Variants in DEPDC1B observed in about 807,000 individuals in gnomAD.
The protein encoded by DEPDC1B is DEP domain containing 1B, also known as DEP domain-containing protein 1B.
In DEPDC1B, 51 loss-of-function variants were observed where a neutral mutation model predicts 66.5. The ratio of observed to expected loss-of-function variants is 0.77; its 90% CI spans 0.61 to 0.97. The LOEUF is 0.97. DEPDC1B is among the 50% of genes least tolerant of loss of function. The pLI, the probability that DEPDC1B is intolerant of heterozygous loss-of-function variation, is 0.00. For missense variants in DEPDC1B, 552 were observed against 637.1 expected (o/e 0.87, Z 1.44); for synonymous variants, 226 against 223.6 (o/e 1.01, Z -0.10).
chr5:60,699,092 C>T lies in DEPDC1B; in HGVS notation c.48+954G>A, dbSNP rs74954198. On this transcript the variant is annotated intron_variant, in intron 1 of 10. Transcript: ENST00000265036. ...GCCTTCTCAGCTCTGGCTTGACTTACTGGTATAGTGTGTGGCTGGCTTTGG... is the reference window on the plus strand; with the variant it reads ...GCCTTCTCAGCTCTGGCTTGACTTATTGGTATAGTGTGTGGCTGGCTTTGG... 0.013 allele frequency among the ~76,000 whole-genome samples: 1,977 copies of T among 152,262 alleles called. 88 individuals are homozygous for T. The East Asian group carries it at 0.17, about 13-fold the overall frequency.
intron 7 of DEPDC1B, among the ~76,000 whole-genome samples, chr5:60,615,040 T>G (rs1397446473): frequency 6.6e-6 from 1 of 152,206 alleles, no homozygotes; most frequent in Non-Finnish European, 1.5e-5. Context: ...ATGAGCAAAG[T>G]TATGAAGAAC....
At chr5:60,663,091 A>G (rs896376946) in intron 2 of DEPDC1B, among the ~76,000 whole-genome samples, 1 of 152,210 alleles carries the variant, frequency 6.6e-6, no homozygotes, top group African/African-American at 2.4e-5. Context: ...TAGCAAAAGC[A>G]GGGGCCATTA....
chr5:60,608,291 T>A (rs1433455160), intron 7 of DEPDC1B, among the ~76,000 whole-genome samples: 7 of 152,102 alleles, frequency 4.6e-5, no homozygotes, highest in Non-Finnish European at 1.0e-4. Context: ...TTTCACCTTA[T>A]CCTTACTGCA....
chr5:60,698,822 T>C (rs934652455), intron 1 of DEPDC1B, among the ~76,000 whole-genome samples: 3 of 152,116 alleles, frequency 2.0e-5, no homozygotes, highest in African/African-American at 7.2e-5. Flanking sequence ...CATGCCACCA[T>C]GCCCAGCTAA....
At chr5:60,653,190 A>T (rs1349427601) in intron 2 of DEPDC1B, among the ~76,000 whole-genome samples, 1 of 149,166 alleles carries the variant, frequency 6.7e-6, no homozygotes, top group Non-Finnish European at 1.5e-5. Context: ...CTCCATCCAC[A>T]CTGTTTTCCA....
In DEPDC1B at chr5:60,666,449, C is replaced by T. The variant is rs568278834; in HGVS notation, c.315-18916G>A. On this transcript the variant is annotated intron_variant, in intron 2 of 10. Coordinates refer to ENST00000265036, the MANE Select transcript of DEPDC1B (RefSeq NM_018369.3). ...TCTTGGGAGCTCTAAGAACAAAGAC[C>T]CCCCCCATAACACCTCGATGTGGTA... Among the ~76,000 whole-genome samples the T allele has an allele frequency of 5.3e-5, 8 of 152,074 alleles. No homozygotes were observed. The South Asian group carries it at 1.0e-3, about 20-fold the overall frequency.
At chr5:60,673,794 A>C (rs1167521535) in intron 2 of DEPDC1B, among the ~76,000 whole-genome samples, 2 of 152,250 alleles carry the variant, frequency 1.3e-5, no homozygotes, top group African/African-American at 4.8e-5. Flanking sequence ...TAGGTCAATA[A>C]TATCTGAGAA....
chr5:60,699,982 C>A lies in DEPDC1B; in HGVS notation c.48+64G>T, dbSNP rs927712416. 3.3e-6 allele frequency: 5 copies of A among 1,535,470 alleles called. No homozygotes were observed. In the African/African-American group the frequency reaches 5.5e-5, roughly 17 times the overall value. On this transcript the variant is annotated intron_variant, in intron 1 of 10. Transcript: ENST00000265036. ...AAGCGAAGACTGACAAGCACTCTGTCCGCGCGCTGAGTGGGGGCTCGCGGC... is the reference window on the plus strand; with the variant it reads ...AAGCGAAGACTGACAAGCACTCTGTACGCGCGCTGAGTGGGGGCTCGCGGC...
chr5:60,668,797 T>C (rs960680750), intron 2 of DEPDC1B, among the ~76,000 whole-genome samples: 3 of 152,174 alleles, frequency 2.0e-5, no homozygotes, highest in African/African-American at 7.2e-5. Flanking sequence ...CATCAAATAT[T>C]TTCTGCTACT....
intron 3 of DEPDC1B, among the ~76,000 whole-genome samples, chr5:60,647,164 T>C (rs1584061744): frequency 6.9e-6 from 1 of 145,346 alleles, no homozygotes; most frequent in African/African-American, 2.6e-5. Context: ...GCCAAAAAGG[T>C]TGGGGACTGC....
chr5:60,631,899 C>G (rs1397800156), intron 7 of DEPDC1B, among the ~76,000 whole-genome samples: 1 of 152,160 alleles, frequency 6.6e-6, no homozygotes, highest in African/African-American at 2.4e-5. Context: ...GTGGGGCACA[C>G]TATCTGAACT....
chr5:60,644,882 G>A lies in DEPDC1B; in HGVS notation c.579-7C>T. 1.3e-6 allele frequency: 2 copies of A among 1,585,300 alleles called. No individual in the cohort carries two copies. Among genetic ancestry groups the A allele is most frequent in the Non-Finnish European group, 1.7e-6 (2 of 1,164,014 alleles). ...GCCAAGAATTTTCTGTAAGCTAAAA[G>A]ATAAGTAATTATATTAATTAGTTCT... On this transcript the variant is annotated splice_region_variant and splice_polypyrimidine_tract_variant and intron_variant, in intron 4 of 10. Transcript: ENST00000265036.
chr5:60,693,734 T>C (rs1754594713), intron 1 of DEPDC1B, among the ~76,000 whole-genome samples: 1 of 152,136 alleles, frequency 6.6e-6, no homozygotes, highest in African/African-American at 2.4e-5. Flanking sequence ...GATATTACCA[T>C]ACCTTTAAAC....
At chr5:60,621,373 G>A (rs1342645144) in intron 7 of DEPDC1B, among the ~76,000 whole-genome samples, 2 of 151,450 alleles carry the variant, frequency 1.3e-5, no homozygotes, top group African/African-American at 4.8e-5. Flanking sequence ...CATAAAAAAG[G>A]ATGAGTTCAT....
At chr5:60,616,305 G>A (rs1384234352) in intron 7 of DEPDC1B, among the ~76,000 whole-genome samples, 4 of 152,174 alleles carry the variant, frequency 2.6e-5, no homozygotes, top group Admixed American at 1.3e-4. Context: ...TGACTTTGAC[G>A]AGTTGAGAGC....
chr5:60,667,797 T>A lies in DEPDC1B; in HGVS notation c.314+19165A>T, dbSNP rs987032528. Among the ~76,000 whole-genome samples the A allele has an allele frequency of 1.5e-3, 192 of 132,374 alleles. 22 individuals carry two copies. Among genetic ancestry groups the A allele is most frequent in the African/African-American group, 5.7e-3 (189 of 33,020 alleles). The allele number at this position is 132,374 out of a possible 152,430, so 86.8% of individuals were successfully genotyped here. ...TTTACATATATATAAAAAATGGATA[T>A]TTTACATATATATAAAAAATGGATA... On this transcript the variant is annotated intron_variant, in intron 2 of 10. Coordinates refer to ENST00000265036, the MANE Select transcript of DEPDC1B (RefSeq NM_018369.3).
intron 2 of DEPDC1B, among the ~76,000 whole-genome samples, chr5:60,651,412 C>T (rs1286575251): frequency 6.6e-6 from 1 of 151,812 alleles, no homozygotes; most frequent in Non-Finnish European, 1.5e-5. Context: ...CCTGTAATTC[C>T]AGCTACTCGG....
intron 7 of DEPDC1B, among the ~76,000 whole-genome samples, chr5:60,636,823 C>G (rs922984368): frequency 6.6e-6 from 1 of 152,038 alleles, no homozygotes; most frequent in East Asian, 1.9e-4. Flanking sequence ...CTGCTGATAC[C>G]TAAAGGCAAT....
chr5:60,648,999 G>C (rs1159617428), intron 2 of DEPDC1B, among the ~76,000 whole-genome samples: 1 of 152,084 alleles, frequency 6.6e-6, no homozygotes, highest in Non-Finnish European at 1.5e-5. Flanking sequence ...GAATGTAATT[G>C]CCGGAGTTCA....
Sources: gnomAD v4.1 joint callset for allele counts (sites outside exome capture counted in the v4.1 genomes callset) on GRCh38, gnomAD v4.1.1 for gene constraint, MANE v1.5 for transcripts, NCBI Gene and HGNC (gene_info 2026-07-23, HGNC 2026-07-21) for gene names.